Variants in SND1 observed in about 807,000 individuals in gnomAD.
SND1 encodes staphylococcal nuclease and tudor domain containing 1.
A neutral mutation model predicts 121.7 loss-of-function variants in SND1; 38 were observed. The ratio of observed to expected loss-of-function variants is 0.31; its 90% confidence interval spans 0.24 to 0.41. The LOEUF (loss-of-function observed/expected upper bound fraction) is 0.41. Ranked by LOEUF, SND1 falls within the 10% of genes least tolerant of loss-of-function variation. SND1 has a pLI of 1.00. For missense variants in SND1, 868 were observed against 1,184.6 expected, an observed-to-expected ratio of 0.73 and a Z score of 3.92; for synonymous variants, 401 against 447.4, an observed-to-expected ratio of 0.90 and a Z score of 1.31.
chr7:127,915,518 G>A (rs1395066558), intron 14 of SND1, among the ~76,000 whole-genome samples: 5 of 152,178 alleles, frequency 3.3e-5, no homozygotes, highest in Admixed American at 3.3e-4. Context: ...ATCAGTGAAT[G>A]AATGATCAAA....
intron 14 of SND1, among the ~76,000 whole-genome samples, chr7:127,926,361 G>A (rs898096105): frequency 2.0e-5 from 3 of 151,900 alleles, no homozygotes; most frequent in African/African-American, 4.8e-5. Flanking sequence ...CTGTCAGCTT[G>A]GATGAAATAT....
At chr7:127,762,140 TA>T (rs1797315860) in intron 10 of SND1, among the ~76,000 whole-genome samples, 1 of 152,192 alleles carries the variant, frequency 6.6e-6, no homozygotes, top group African/African-American at 2.4e-5. Flanking sequence ...TTTATATCTG[TA>T]AATGAAAAAG....
intron 15 of SND1, among the ~76,000 whole-genome samples, chr7:127,972,193 C>G (rs1802007262): frequency 6.6e-6 from 1 of 152,168 alleles, no homozygotes; most frequent in Admixed American, 6.5e-5. Flanking sequence ...TAACCAGTAT[C>G]CTTTCCGACC....
intron 1 of SND1, among the ~76,000 whole-genome samples, chr7:127,655,753 A>C (rs928204839): frequency 6.6e-6 from 1 of 152,182 alleles, no homozygotes; most frequent in Admixed American, 6.5e-5. Context: ...ACTTAGTATA[A>C]ATTGAGTCAC....
At chr7:127,848,771 G>T (rs889460696) in intron 12 of SND1, among the ~76,000 whole-genome samples, 5 of 152,184 alleles carry the variant, frequency 3.3e-5, no homozygotes, top group African/African-American at 9.7e-5. Context: ...TTATTTCAAA[G>T]CCAAAGTTTA....
At chr7:127,657,444 G>A (rs1273091579) in intron 1 of SND1, among the ~76,000 whole-genome samples, 2 of 152,154 alleles carry the variant, frequency 1.3e-5, no homozygotes, top group African/African-American at 4.8e-5. Context: ...CCTGGCCGAG[G>A]AAACAGCAAA....
At chr7:127,674,422 T>G (rs1795582123) in intron 1 of SND1, among the ~76,000 whole-genome samples, 1 of 152,246 alleles carries the variant, frequency 6.6e-6, no homozygotes, top group South Asian at 2.1e-4. Context: ...TCTGTAACTC[T>G]CCTCTGAGAA....
At chr7:127,974,923 G>A (rs1033536148) in intron 15 of SND1, among the ~76,000 whole-genome samples, 1 of 152,138 alleles carries the variant, frequency 6.6e-6, no homozygotes, top group Admixed American at 6.5e-5. Context: ...TTGTATTGCT[G>A]AAGAGCATCT....
chr7:127,987,028 A>G (rs568657764), intron 15 of SND1, among the ~76,000 whole-genome samples: 7 of 152,368 alleles, frequency 4.6e-5, no homozygotes, highest in Admixed American at 2.0e-4. Flanking sequence ...GAGTTAATAT[A>G]TCTTTATCAG....
chr7:128,053,474 T>A (rs1400605205), intron 16 of SND1, among the ~76,000 whole-genome samples: 1 of 151,980 alleles, frequency 6.6e-6, no homozygotes, highest in African/African-American at 2.4e-5. Flanking sequence ...TCAAAAAAAA[T>A]GGTGCAGGAG....
At position 127,891,475 on chromosome 7, in the gene SND1, G is replaced by A. The variant is rs754323401; in HGVS notation, c.1454+3463G>A. On this transcript the variant is annotated intron_variant, in intron 13 of 23. Transcript: ENST00000354725. ...CTTCTCACCTCTCTCACGTTACAGC[G>A]TGTCAGAGCTCTTTCACTGCTGCTT... 7.9e-5 allele frequency among the ~76,000 whole-genome samples: 12 copies of A among 152,104 alleles called. No homozygotes were observed. The South Asian group carries it at 8.3e-4, about 11-fold the overall frequency.
chr7:127,807,385 A>G (rs1798255774), intron 10 of SND1, 99 bp from the exon 11 acceptor site: 1 of 894,428 alleles, frequency 1.1e-6, no homozygotes, highest in African/African-American at 1.7e-5. Flanking sequence ...TGCGATACTA[A>G]GAGATAACCA....
intron 10 of SND1, 106 bp downstream of exon 10, chr7:127,721,506 G>A (rs910085490): frequency 1.0e-5 from 6 of 588,258 alleles, no homozygotes; most frequent in Non-Finnish European, 1.8e-5. Flanking sequence ...GGAATGCAAA[G>A]GGACAAGTAT....
chr7:127,762,521 C>A (rs1157178326), intron 10 of SND1, among the ~76,000 whole-genome samples: 1 of 152,186 alleles, frequency 6.6e-6, no homozygotes, highest in East Asian at 1.9e-4. Context: ...TTTTAAAGCC[C>A]CATCTCCAAA....
intron 9 of SND1, among the ~76,000 whole-genome samples, chr7:127,708,369 T>C (rs1036972350): frequency 1.3e-5 from 2 of 149,706 alleles, no homozygotes; most frequent in African/African-American, 4.9e-5. Context: ...CTCCCTTCCT[T>C]CCTTTCTTCC....
chr7:127,739,976 T>C (rs1307005356), intron 10 of SND1, among the ~76,000 whole-genome samples: 1 of 152,222 alleles, frequency 6.6e-6, no homozygotes, highest in Non-Finnish European at 1.5e-5. Flanking sequence ...AGACATCCTA[T>C]GCACAATGCT....
intron 16 of SND1, among the ~76,000 whole-genome samples, chr7:128,024,533 C>T (rs1312702240): frequency 1.3e-5 from 2 of 152,184 alleles, no homozygotes; most frequent in Admixed American, 6.5e-5. Flanking sequence ...CCCATTACCA[C>T]GGAAGGAAGC....
chr7:127,777,187 G>A (rs561643167), intron 10 of SND1, among the ~76,000 whole-genome samples: 2 of 152,318 alleles, frequency 1.3e-5, no homozygotes, highest in South Asian at 2.1e-4. Flanking sequence ...GGAACTTGCT[G>A]CACTCTCCTG....
chr7:127,952,555 C>T (rs1288987088), intron 15 of SND1, among the ~76,000 whole-genome samples: 1 of 152,042 alleles, frequency 6.6e-6, no homozygotes. Context: ...GACCCCATGG[C>T]CTAGCAGCCC....
Sources: gnomAD v4.1 joint callset for allele counts (sites outside exome capture counted in the v4.1 genomes callset) on GRCh38, gnomAD v4.1.1 for gene constraint, MANE v1.5 for transcripts, NCBI Gene and HGNC (gene_info 2026-07-23, HGNC 2026-07-21) for gene names.